CLIC5: variants seen among roughly 807,000 people sequenced by gnomAD.
CLIC5 encodes the protein CLIC family member 5.
A neutral mutation model predicts 24.7 loss-of-function variants in CLIC5; 20 were observed. The ratio of observed to expected loss-of-function variants is 0.81; its 90% CI spans 0.57 to 1.18. The LOEUF is 1.18. Ranked by LOEUF, CLIC5 falls within the 50% of genes most tolerant of loss-of-function variation. CLIC5 has a pLI of 0.00. For missense variants in CLIC5, 341 were observed against 326.1 expected (o/e 1.05, Z -0.35); for synonymous variants, 159 against 135.6 (o/e 1.17, Z -1.20).
chr6:46,032,454 AT>A (rs770643721), intron 1 of CLIC5, among the ~76,000 whole-genome samples: 3 of 152,162 alleles, frequency 2.0e-5, no homozygotes, highest in Non-Finnish European at 4.4e-5. Flanking sequence ...CTTTTACTTT[AT>A]GCATTTTTAT....
intron 4 of CLIC5, among the ~76,000 whole-genome samples, chr6:45,936,599 T>A (rs1224458594): frequency 2.0e-5 from 3 of 152,096 alleles, no homozygotes; most frequent in African/African-American, 7.2e-5. Flanking sequence ...ATGAGGAAAC[T>A]GAGGCATTAC....
chr6:45,936,372 T>C (rs1247680975), intron 4 of CLIC5, among the ~76,000 whole-genome samples: 1 of 151,886 alleles, frequency 6.6e-6, no homozygotes. Context: ...ACCCTGCTAA[T>C]TTTTGTATTT....
intron 1 of CLIC5, among the ~76,000 whole-genome samples, chr6:46,012,580 C>T (rs1766844566): frequency 6.6e-6 from 1 of 152,154 alleles, no homozygotes; most frequent in Admixed American, 6.5e-5. Flanking sequence ...CACTTGAAAG[C>T]CTAACTTGGC....
intron 3 of CLIC5, 104 bp from the exon 4 acceptor site, chr6:45,941,757 T>G: frequency 1.1e-6 from 1 of 898,318 alleles, no homozygotes. Context: ...TCCAGCTGCA[T>G]CTACAAAATG....
chr6:46,015,273 G>A (rs1766958681), intron 1 of CLIC5, among the ~76,000 whole-genome samples: 1 of 152,182 alleles, frequency 6.6e-6, no homozygotes, highest in Non-Finnish European at 1.5e-5. Flanking sequence ...AACTCTCCGA[G>A]AAGACGGCCA....
At chr6:45,956,906 C>T (rs1425597923) in intron 1 of CLIC5, among the ~76,000 whole-genome samples, 1 of 152,136 alleles carries the variant, frequency 6.6e-6, no homozygotes, top group Non-Finnish European at 1.5e-5. Flanking sequence ...GGTAAAGTTA[C>T]CAATAAAGCA....
chr6:46,090,287 G>A, the CLIC5 span, among the ~76,000 whole-genome samples: 5 of 152,134 alleles, frequency 3.3e-5, no homozygotes, highest in Non-Finnish European at 7.4e-5. Flanking sequence ...TTTTCTGCAT[G>A]TATAATCCAC....
upstream of CLIC5, chr6:46,015,940 C>T: frequency 1.0e-6 from 1 of 991,620 alleles, no homozygotes; most frequent in Non-Finnish European, 1.2e-6. Flanking sequence ...GGCGGGGACA[C>T]CCCGGCAGCT....
Position 45,912,236 on chromosome 6 carries a change from A to G in CLIC5, c.588+1992T>C, listed in dbSNP as rs1413505967. On this transcript the variant is annotated intron_variant, in intron 5 of 5. Transcript: ENST00000339561. ...GTTTGCCAGGTTTCTGGGATCTGAT[A>G]AGCTGGATCAGCAGAAATCCAAAGA... 4.0e-6 allele frequency: 4 copies of G among 988,488 alleles called. No individual in the cohort carries two copies. The East Asian group carries it at 3.3e-4, about 82-fold the overall frequency. The allele number at this position is 988,488 out of a possible 1,614,324, so 61.2% of individuals were successfully genotyped here. A position where few individuals can be genotyped will look rare whatever the true frequency, so the allele number is the denominator to read the frequency against.
intron 5 of CLIC5, among the ~76,000 whole-genome samples, chr6:45,905,950 C>G (rs1241156015): frequency 6.6e-6 from 1 of 152,140 alleles, no homozygotes; most frequent in African/African-American, 2.4e-5. Context: ...TATTCCAAAA[C>G]CATTTATTGA....
intron 3 of CLIC5, among the ~76,000 whole-genome samples, chr6:45,942,716 G>A (rs140443910): frequency 6.6e-6 from 1 of 152,326 alleles, no homozygotes; most frequent in Non-Finnish European, 1.5e-5. Context: ...GTTCTTTAAT[G>A]CTTTTTTGTT....
intron 5 of CLIC5, chr6:45,911,720 T>C (rs1762826784): frequency 1.0e-6 from 1 of 985,462 alleles, no homozygotes; most frequent in Non-Finnish European, 1.2e-6. Flanking sequence ...CTTCTATTGA[T>C]GTTGGTGTTC....
At chr6:46,015,368 G>A (rs2127446182) in intron 1 of CLIC5, 112 bp downstream of exon 1, 1 of 1,117,062 alleles carries the variant, frequency 9.0e-7, no homozygotes, top group East Asian at 3.2e-5. Flanking sequence ...GGGAGCACAG[G>A]GCTCCGCGCC....
chr6:46,054,895 G>C (rs1252273852), intron 1 of CLIC5, among the ~76,000 whole-genome samples: 1 of 152,162 alleles, frequency 6.6e-6, no homozygotes, highest in Non-Finnish European at 1.5e-5. Context: ...CAGTCTGTGT[G>C]GTTTTGTCAT....
chr6:45,912,473 T>C (rs1762856280), intron 5 of CLIC5: 1 of 1,281,248 alleles, frequency 7.8e-7, no homozygotes. Flanking sequence ...TTTTGAGTGG[T>C]AGTGAATACA....
intron 1 of CLIC5, among the ~76,000 whole-genome samples, chr6:46,025,309 G>C (rs1173486838): frequency 6.6e-6 from 1 of 152,186 alleles, no homozygotes; most frequent in Non-Finnish European, 1.5e-5. Context: ...CCCCAAATGT[G>C]TATAAGGGAG....
At chr6:46,019,817 TAGAG>T (rs1011612647), upstream of CLIC5, among the ~76,000 whole-genome samples, 2 of 150,148 alleles carry the variant, frequency 1.3e-5, no homozygotes, top group African/African-American at 4.9e-5. Context: ...TTATCAGGAA[TAGAG>T]ACATTACATA....
chr6:45,912,878 T>C, intron 5 of CLIC5: 1 of 653,386 alleles, frequency 1.5e-6, no homozygotes. Context: ...ATAGGTTGTA[T>C]TTGCCCACTC....
intron 1 of CLIC5, among the ~76,000 whole-genome samples, chr6:46,067,678 G>A (rs565158218): frequency 3.2e-4 from 48 of 152,264 alleles, no homozygotes; most frequent in East Asian, 3.9e-4. Flanking sequence ...AGCACTCAGC[G>A]TACTGGCTTT....
Sources: allele counts gnomAD v4.1 joint callset (sites outside exome capture counted in the v4.1 genomes callset), GRCh38; gene constraint gnomAD v4.1.1; transcripts MANE v1.5; gene names NCBI Gene and HGNC (gene_info 2026-07-23, HGNC 2026-07-21).